Variants in DOP1A observed in about 807,000 individuals in gnomAD.
The protein encoded by DOP1A is DOP1 leucine zipper like protein A.
DOP1A carries 90 observed loss-of-function variants against 267.6 expected under a neutral mutation model. The observed-to-expected ratio is 0.34, with a 90% CI of 0.28 to 0.40. The LOEUF is 0.40. Ranked by LOEUF, DOP1A falls within the 10% of genes least tolerant of loss-of-function variation. DOP1A has a pLI of 1.00. For missense variants in DOP1A, 2,437 were observed against 2,900.4 expected (o/e 0.84, Z 3.67); for synonymous variants, 932 against 999.1 (o/e 0.93, Z 1.27).
At chr6:83,153,870 T>G (rs762562039) in intron 31 of DOP1A, 24 bp from the exon 32 acceptor site, 2 of 1,592,940 alleles carry the variant, frequency 1.3e-6, no homozygotes, top group Non-Finnish European at 1.7e-6. Flanking sequence ...ACACGTAGGT[T>G]AAGGTGGTTT....
chr6:83,122,691 C>A (rs1007775709), intron 11 of DOP1A, among the ~76,000 whole-genome samples, 172 bp from the exon 12 acceptor site: 3 of 151,834 alleles, frequency 2.0e-5, no homozygotes, highest in Non-Finnish European at 4.4e-5. Context: ...AAATAACTGC[C>A]CATAAAATGA....
intron 36 of DOP1A, among the ~76,000 whole-genome samples, chr6:83,158,973 C>T (rs1282544804): frequency 2.6e-5 from 4 of 152,138 alleles, no homozygotes; most frequent in Admixed American, 6.5e-5. Flanking sequence ...CCAGGCTATT[C>T]GTATATGCAG....
chr6:83,170,027 GTATT>G (rs1265624421), downstream of DOP1A, among the ~76,000 whole-genome samples: 2 of 152,184 alleles, frequency 1.3e-5, no homozygotes, highest in East Asian at 1.9e-4. Context: ...CATAAACTAA[GTATT>G]TATTAGTTAT....
In DOP1A at chr6:83,134,303, T is replaced by C. The variant is rs1176040459; in HGVS notation, c.2870+16T>C. 6.2e-7 allele frequency: 1 copy of C among 1,601,068 alleles called. No individual in the cohort carries two copies. The highest frequency in any genetic ancestry group is 2.2e-5 in the East Asian group (1 of 44,582). ...CTTTTGACAGGTCAGTTACATTTTA[T>C]ATTAAGATTTCACAGTCATATATCT... On this transcript the variant is annotated intron_variant, in intron 19 of 38. Coordinates refer to ENST00000349129, the MANE Select transcript of DOP1A (RefSeq NM_015018.4).
At chr6:83,077,841 A>G (rs1299870115) in intron 1 of DOP1A, among the ~76,000 whole-genome samples, 1 of 152,218 alleles carries the variant, frequency 6.6e-6, no homozygotes, top group Non-Finnish European at 1.5e-5. Context: ...CATAAAATAC[A>G]CTAACACTTA....
chr6:83,157,050 C>A, intron 34 of DOP1A, 132 bp from the exon 35 acceptor site: 1 of 769,302 alleles, frequency 1.3e-6, no homozygotes, highest in Non-Finnish European at 2.0e-6. Flanking sequence ...ATGAAAATAT[C>A]TACAACAGTT....
At position 83,138,268 on chromosome 6, in the gene DOP1A, A is replaced by G. The variant is rs187689374; in HGVS notation, c.4226A>G (p.Asn1409Ser). ...FVNAISTTSV[N>S]NAYTPQLSLL... Reference sequence around the variant, plus strand: ...AATGCCATTTCAACTACTAGTGTAAATAATGCATATACTCCTCAGTTGTCT... The same window carrying G: ...AATGCCATTTCAACTACTAGTGTAAGTAATGCATATACTCCTCAGTTGTCT... The change falls in exon 21 of 39, where the codon AAT becomes AGT. Residue 1409 changes from asparagine (N) to serine (S), a missense_variant. By Grantham distance (46) the Asn-to-Ser change is conservative (BLOSUM62 1). Coordinates refer to ENST00000349129, the MANE Select transcript of DOP1A (RefSeq NM_015018.4). The G allele has an allele frequency of 4.3e-6, 7 of 1,613,140 alleles. No homozygotes were observed. In the Admixed American group the frequency reaches 6.7e-5, roughly 15 times the overall value.
intron 1 of DOP1A, among the ~76,000 whole-genome samples, chr6:83,078,120 G>A (rs9444029): frequency 0.028 from 4,328 of 152,296 alleles, 153 homozygotes; most frequent in East Asian, 0.084. Flanking sequence ...TAAAGGCACT[G>A]AGATGGGAGG....
chr6:83,132,210 A>T lies in DOP1A; in HGVS notation c.2651A>T (p.Asp884Val). The T allele has an allele frequency of 6.2e-7, 1 of 1,612,276 alleles. No individual in the cohort carries two copies. Among genetic ancestry groups the T allele is most frequent in the Non-Finnish European group, 8.5e-7 (1 of 1,178,634 alleles). The stretch of plus-strand genomic sequence containing the variant: ...TTAACATTGTGGGACCAGTTGGGAG[A>T]TGGGACACCTCAGCATCACCAGAAG... Reference protein sequence around the residue: ...VALTLWDQLGDGTPQHHQKSV... With the variant: ...VALTLWDQLGVGTPQHHQKSV... Residue 884 changes from aspartate (D) to valine (V), a missense_variant, in exon 18 of 39, where the codon GAT becomes GTT. Around this residue, in one of 9 missense-constraint regions of DOP1A, gnomAD observed 878 missense variants for 992.9 expected, o/e 0.88. Coordinates refer to ENST00000349129, the MANE Select transcript of DOP1A (RefSeq NM_015018.4).
chr6:83,103,039 T>A (rs953161904), intron 4 of DOP1A, among the ~76,000 whole-genome samples: 1 of 152,234 alleles, frequency 6.6e-6, no homozygotes, highest in African/African-American at 2.4e-5. Flanking sequence ...TGGCCCTTCT[T>A]CCACATTTTT....
chr6:83,093,775 A>G (rs1247677190), intron 1 of DOP1A, among the ~76,000 whole-genome samples: 2 of 152,228 alleles, frequency 1.3e-5, no homozygotes, highest in African/African-American at 4.8e-5. Flanking sequence ...GCATGGTGCC[A>G]GGTGCCTGTA....
intron 24 of DOP1A, among the ~76,000 whole-genome samples, chr6:83,144,421 T>G (rs1277651587): frequency 6.6e-6 from 1 of 152,298 alleles, no homozygotes; most frequent in East Asian, 1.9e-4. Flanking sequence ...TTTGAATATG[T>G]AATTAGAGAT....
In DOP1A at chr6:83,137,956, A is replaced by T. The variant is rs1779099338; in HGVS notation, c.3914A>T (p.Lys1305Ile). 1 of 1,605,496 alleles carries T rather than the reference A, an allele frequency of 6.2e-7. No homozygotes were observed. Among genetic ancestry groups the T allele is most frequent in the East Asian group, 2.2e-5 (1 of 44,818 alleles). Residue 1305 changes from lysine to isoleucine, a missense_variant, in exon 21 of 39, where the codon AAA becomes ATA. Lys to Ile is a moderately radical substitution (Grantham distance 102, BLOSUM62 -3). Coordinates refer to ENST00000349129, the MANE Select transcript of DOP1A (RefSeq NM_015018.4). ...GAKPKVKLARKKDDDKKKSSN... is the reference protein window; with the variant it reads ...GAKPKVKLARIKDDDKKKSSN... The stretch of plus-strand genomic sequence containing the variant: ...AAACCTAAAGTAAAACTTGCCAGAA[A>T]AAAGGATGATGACAAGAAAAAATCT...
chr6:83,170,335 G>T (rs764980780), downstream of DOP1A: 8 of 1,614,090 alleles, frequency 5.0e-6, no homozygotes, highest in South Asian at 1.1e-5. Context: ...ATACTCGGAC[G>T]ACATCTTCTG....
At chr6:83,118,169 A>G (rs1181708040) in intron 7 of DOP1A, among the ~76,000 whole-genome samples, 1 of 152,190 alleles carries the variant, frequency 6.6e-6, no homozygotes, top group Non-Finnish European at 1.5e-5. Flanking sequence ...TTCCAAGATT[A>G]TATTGTAAAG....
chr6:83,130,239 C>T lies in DOP1A; in HGVS notation c.2458C>T (p.Leu820=). The T allele has an allele frequency of 6.2e-7, 1 of 1,614,020 alleles. No individual in the cohort carries two copies. The highest frequency in any genetic ancestry group is 8.5e-7 in the Non-Finnish European group (1 of 1,179,982). The change falls in exon 17 of 39, where the codon CTG becomes TTG. Residue 820 remains leucine (L), a synonymous_variant. Coordinates refer to ENST00000349129, the MANE Select transcript of DOP1A (RefSeq NM_015018.4). ...TTCACTAGTTATGGACCTGGTGGGA[C>T]TGACACAGTCTGTGGCCATGGTCAC... ...AISLVMDLVG[L]TQSVAMVTGE...
At chr6:83,079,347 T>G (rs2128014748) in intron 1 of DOP1A, among the ~76,000 whole-genome samples, 1 of 152,324 alleles carries the variant, frequency 6.6e-6, no homozygotes, top group Admixed American at 6.5e-5. Flanking sequence ...TGGAACAGTC[T>G]TAATAAAATG....
intron 4 of DOP1A, among the ~76,000 whole-genome samples, chr6:83,105,356 CTTTTTT>C (rs70987733): frequency 4.5e-4 from 30 of 65,942 alleles, no homozygotes; most frequent in African/African-American, 1.6e-3. Flanking sequence ...GGATGTCTTT[CTTTTTT>C]TTTTTTTTTT....
intron 1 of DOP1A, among the ~76,000 whole-genome samples, chr6:83,089,630 T>G (rs1769970163): frequency 6.6e-6 from 1 of 152,226 alleles, no homozygotes; most frequent in Admixed American, 6.5e-5. Context: ...CAACTTTGAT[T>G]TACTTGCATC....
Sources: gnomAD v4.1 joint callset for allele counts (sites outside exome capture counted in the v4.1 genomes callset) on GRCh38, gnomAD v4.1.1 for gene constraint, gnomAD v4.1.1 regional missense constraint, MANE v1.5 for transcripts, NCBI Gene and HGNC (gene_info 2026-07-23, HGNC 2026-07-21) for gene names.